Variants in ABTB3 observed in about 807,000 individuals in gnomAD.
ABTB3 encodes ankyrin repeat and BTB domain containing 3.
At chr12:107,448,610 C>T in the ABTB3 span, among the ~76,000 whole-genome samples, 76 of 152,214 alleles carry the variant, frequency 5.0e-4, no homozygotes, top group African/African-American at 1.7e-3. Flanking sequence ...TAAGCCAGGA[C>T]AGAACCTGTA....
At chr12:107,373,454 A>G in the ABTB3 span, among the ~76,000 whole-genome samples, 1 of 152,162 alleles carries the variant, frequency 6.6e-6, no homozygotes, top group Admixed American at 6.5e-5. Context: ...CGCTGCATGT[A>G]TATAAAGCAT....
the ABTB3 span, chr12:107,612,906 C>T: frequency 6.3e-7 from 1 of 1,589,992 alleles, no homozygotes. Flanking sequence ...CCTCGGCCGG[C>T]AGTCCCCAGG....
chr12:107,408,076 G>A, the ABTB3 span, among the ~76,000 whole-genome samples: 4 of 151,948 alleles, frequency 2.6e-5, no homozygotes, highest in Non-Finnish European at 4.4e-5. Flanking sequence ...TATGATAAAC[G>A]GTCTCTTGCC....
the ABTB3 span, among the ~76,000 whole-genome samples, chr12:107,476,004 G>A: frequency 1.3e-5 from 2 of 152,202 alleles, no homozygotes; most frequent in African/African-American, 4.8e-5. Flanking sequence ...TAGGATTAAA[G>A]CCGTGGATCA....
At chr12:107,458,754 CCT>C in the ABTB3 span, among the ~76,000 whole-genome samples, 4 of 152,232 alleles carry the variant, frequency 2.6e-5, no homozygotes, top group South Asian at 6.2e-4. Context: ...CTCTAGATAC[CCT>C]GTCCCCAGCT....
the ABTB3 span, among the ~76,000 whole-genome samples, chr12:107,421,659 A>G: frequency 1.3e-5 from 2 of 152,290 alleles, no homozygotes; most frequent in Admixed American, 1.3e-4. Flanking sequence ...CTTCTCTGGA[A>G]CCCCACTATA....
chr12:107,630,139 C>G, the ABTB3 span, among the ~76,000 whole-genome samples: 1 of 152,156 alleles, frequency 6.6e-6, no homozygotes, highest in South Asian at 2.1e-4. Flanking sequence ...GGACTCTGTT[C>G]CTTGAAAAAG....
At chr12:107,404,876 G>A in the ABTB3 span, among the ~76,000 whole-genome samples, 1 of 152,150 alleles carries the variant, frequency 6.6e-6, no homozygotes, top group African/African-American at 2.4e-5. Context: ...CTGTTCATAT[G>A]TCTTGGCTTG....
the ABTB3 span, among the ~76,000 whole-genome samples, chr12:107,470,465 C>G: frequency 6.6e-6 from 1 of 152,140 alleles, no homozygotes. Context: ...CCTACCCTCC[C>G]CACCTTCACT....
chr12:107,394,011 A>G, the ABTB3 span, among the ~76,000 whole-genome samples: 1 of 152,224 alleles, frequency 6.6e-6, no homozygotes, highest in Non-Finnish European at 1.5e-5. Flanking sequence ...TGGCACAGCC[A>G]GCAGTGCCTG....
the ABTB3 span, among the ~76,000 whole-genome samples, chr12:107,498,420 G>T: frequency 1.3e-5 from 2 of 152,214 alleles, no homozygotes. Flanking sequence ...TTCATTTTCT[G>T]TGGCTACTGC....
the ABTB3 span, among the ~76,000 whole-genome samples, chr12:107,481,541 T>G: frequency 2.0e-5 from 3 of 152,026 alleles, no homozygotes; most frequent in Non-Finnish European, 4.4e-5. Context: ...TCCCTACCTA[T>G]AGCTCACCCC....
chr12:107,617,379 C>A, the ABTB3 span: 1 of 1,614,176 alleles, frequency 6.2e-7, no homozygotes, highest in Non-Finnish European at 8.5e-7. Flanking sequence ...AATGGAATTT[C>A]TACAACCCCC....
the ABTB3 span, among the ~76,000 whole-genome samples, chr12:107,360,576 C>A: frequency 6.6e-6 from 1 of 152,238 alleles, no homozygotes; most frequent in Non-Finnish European, 1.5e-5. Context: ...CAACCCTGCC[C>A]TGACTTGTTT....
chr12:107,406,672 G>C, the ABTB3 span, among the ~76,000 whole-genome samples: 45 of 152,262 alleles, frequency 3.0e-4, no homozygotes, highest in African/African-American at 1.1e-3. Context: ...GTAGGCTCTG[G>C]GGATAAGACA....
chr12:107,492,679 G>A, the ABTB3 span, among the ~76,000 whole-genome samples: 9 of 152,014 alleles, frequency 5.9e-5, no homozygotes, highest in Admixed American at 5.2e-4. Flanking sequence ...ATGAGTTAAC[G>A]GCCGCTGTGG....
the ABTB3 span, among the ~76,000 whole-genome samples, chr12:107,579,198 C>T: frequency 6.6e-6 from 1 of 152,202 alleles, no homozygotes; most frequent in Admixed American, 6.5e-5. Context: ...GCCTTACAGA[C>T]AGGAGGCTCA....
the ABTB3 span, among the ~76,000 whole-genome samples, chr12:107,410,922 G>A: frequency 6.6e-6 from 1 of 152,158 alleles, no homozygotes; most frequent in African/African-American, 2.4e-5. Context: ...GAAGCTCTGA[G>A]CATGGATGAA....
the ABTB3 span, among the ~76,000 whole-genome samples, chr12:107,564,445 T>C: frequency 6.6e-6 from 1 of 152,190 alleles, no homozygotes; most frequent in East Asian, 1.9e-4. Flanking sequence ...CAGCTGAAAT[T>C]TCCTGAGCAT....
Sources: allele counts gnomAD v4.1 joint callset (sites outside exome capture counted in the v4.1 genomes callset), GRCh38; gene constraint gnomAD v4.1.1; transcripts MANE v1.5; gene names NCBI Gene and HGNC (gene_info 2026-07-23, HGNC 2026-07-21).